The following CHST11 variants were observed in gnomAD, a reference collection of about 807,000 sequenced individuals.
The protein encoded by CHST11 is carbohydrate sulfotransferase 11.
Under a neutral mutation model 30.4 loss-of-function variants are expected in CHST11, and 9 were observed. The observed-to-expected ratio is 0.30, with a 90% CI of 0.18 to 0.52. CHST11 has a LOEUF of 0.52. Among genes scored for constraint, CHST11 ranks in the 20% least tolerant of loss-of-function variants. CHST11 has a pLI of 0.97. For missense variants in CHST11, 348 were observed against 460.6 expected (o/e 0.76, Z 2.24); for synonymous variants, 152 against 187.8 (o/e 0.81, Z 1.56).
At chr12:104,616,963 G>A (rs1459680842) in intron 2 of CHST11, among the ~76,000 whole-genome samples, 1 of 152,194 alleles carries the variant, frequency 6.6e-6, no homozygotes, top group Non-Finnish European at 1.5e-5. Flanking sequence ...GCATGCTTCT[G>A]CTTCCAGAAA....
At chr12:104,547,241 A>C (rs1470687010) in intron 1 of CHST11, among the ~76,000 whole-genome samples, 1 of 152,224 alleles carries the variant, frequency 6.6e-6, no homozygotes, top group Non-Finnish European at 1.5e-5. Flanking sequence ...GGAGGTGTGC[A>C]GTTGCAGGCA....
chr12:104,724,245 A>G (rs1034435788), intron 2 of CHST11, among the ~76,000 whole-genome samples: 10 of 152,192 alleles, frequency 6.6e-5, no homozygotes, highest in African/African-American at 2.4e-4. Flanking sequence ...TTTACCATGT[A>G]TCTGACGGCA....
At chr12:104,562,758 G>A (rs902293165) in intron 1 of CHST11, among the ~76,000 whole-genome samples, 2 of 152,188 alleles carry the variant, frequency 1.3e-5, no homozygotes, top group African/African-American at 4.8e-5. Context: ...TAGCTACGTT[G>A]AGTTAGGGCT....
Position 104,460,064 on chromosome 12 carries a change from A to G in CHST11, c.118+2535A>G, listed in dbSNP as rs576757147. Among the ~76,000 whole-genome samples the G allele has an allele frequency of 2.6e-5, 4 of 152,328 alleles. No individual in the cohort carries two copies. The East Asian group carries it at 7.7e-4, about 29-fold the overall frequency. The stretch of plus-strand genomic sequence containing the variant: ...ATTTTATTAAGCTACACTGTTAATG[A>G]CCACTGATGTGGAATCTCTTTCACT... On this transcript the variant is annotated intron_variant, in intron 1 of 2. Coordinates refer to ENST00000303694, the MANE Select transcript of CHST11 (RefSeq NM_018413.6).
intron 2 of CHST11, among the ~76,000 whole-genome samples, chr12:104,692,417 T>C (rs1292814764): frequency 6.6e-6 from 1 of 152,212 alleles, no homozygotes; most frequent in Non-Finnish European, 1.5e-5. Flanking sequence ...ATTTGCCGAG[T>C]GATGTTTTCA....
intron 2 of CHST11, among the ~76,000 whole-genome samples, chr12:104,645,843 A>C (rs551707437): frequency 1.3e-5 from 2 of 152,246 alleles, no homozygotes; most frequent in African/African-American, 2.4e-5. Context: ...AAGGGTATCC[A>C]TCTACCTACA....
At position 104,474,517 on chromosome 12, in the gene CHST11, G is replaced by A. The variant is rs144010750; in HGVS notation, c.118+16988G>A. Among the ~76,000 whole-genome samples, 893 of 152,276 alleles carry A rather than the reference G, an allele frequency of 5.9e-3. 6 individuals are homozygous for A. The highest frequency in any genetic ancestry group is 0.02 in the African/African-American group (821 of 41,546). ...GGCTTATGCTGACTTTGTTTCCTGT[G>A]CCTGTAAAAGCAAAATGAGATTTTT... On this transcript the variant is annotated intron_variant, in intron 1 of 2. Coordinates refer to ENST00000303694, the MANE Select transcript of CHST11 (RefSeq NM_018413.6).
At chr12:104,636,531 A>T (rs1033464743) in intron 2 of CHST11, among the ~76,000 whole-genome samples, 1 of 152,158 alleles carries the variant, frequency 6.6e-6, no homozygotes, top group African/African-American at 2.4e-5. Context: ...CCTTCAGGTA[A>T]AGAGCCAAGA....
At chr12:104,467,777 A>G (rs993439451) in intron 1 of CHST11, among the ~76,000 whole-genome samples, 1 of 152,172 alleles carries the variant, frequency 6.6e-6, no homozygotes, top group Non-Finnish European at 1.5e-5. Context: ...GAAGAGGGAA[A>G]CCACAGAGGC....
intron 1 of CHST11, chr12:104,589,060 C>T (rs2038832676): frequency 6.6e-6 from 1 of 151,934 alleles, no homozygotes; most frequent in Non-Finnish European, 1.5e-5. Context: ...AAGCCAGACA[C>T]AAAAGGACAG....
chr12:104,563,007 G>T (rs902978013), intron 1 of CHST11, among the ~76,000 whole-genome samples: 39 of 152,160 alleles, frequency 2.6e-4, no homozygotes, highest in African/African-American at 9.4e-4. Flanking sequence ...CTCATAGAGG[G>T]TTGTTGTGAA....
chr12:104,535,209 G>A (rs982420833), intron 1 of CHST11, among the ~76,000 whole-genome samples: 21 of 152,158 alleles, frequency 1.4e-4, no homozygotes, highest in African/African-American at 3.9e-4. Flanking sequence ...TAGGGACTCC[G>A]TCCTTGATAT....
chr12:104,531,313 A>T (rs530262521), intron 1 of CHST11, among the ~76,000 whole-genome samples: 1 of 152,014 alleles, frequency 6.6e-6, no homozygotes, highest in Non-Finnish European at 1.5e-5. Context: ...ACATAGTGGG[A>T]CCTTGCCTTT....
chr12:104,654,065 G>A (rs1592819173), intron 2 of CHST11, among the ~76,000 whole-genome samples: 1 of 152,208 alleles, frequency 6.6e-6, no homozygotes, highest in Admixed American at 6.5e-5. Flanking sequence ...TCAGGCTGAA[G>A]AGGGTCATCC....
At chr12:104,706,064 A>G (rs991575728) in intron 2 of CHST11, among the ~76,000 whole-genome samples, 9 of 142,962 alleles carry the variant, frequency 6.3e-5, no homozygotes, top group African/African-American at 2.4e-4. Flanking sequence ...CCAGCTGGGG[A>G]GACAGAATGA....
chr12:104,549,507 C>A (rs1157597270), intron 1 of CHST11, among the ~76,000 whole-genome samples: 1 of 152,108 alleles, frequency 6.6e-6, no homozygotes, highest in Non-Finnish European at 1.5e-5. Flanking sequence ...AAAAAACAAA[C>A]AAACAAAAGA....
intron 2 of CHST11, among the ~76,000 whole-genome samples, chr12:104,750,154 G>A (rs1431295681): frequency 1.3e-5 from 2 of 151,774 alleles, no homozygotes; most frequent in African/African-American, 2.4e-5. Flanking sequence ...TACATGATGA[G>A]CTTTTACCAA....
chr12:104,490,258 A>G (rs927076143), intron 1 of CHST11, among the ~76,000 whole-genome samples: 1 of 152,172 alleles, frequency 6.6e-6, no homozygotes, highest in East Asian at 1.9e-4. Flanking sequence ...CTCATTCGTT[A>G]TACTAACTTT....
intron 2 of CHST11, among the ~76,000 whole-genome samples, chr12:104,678,410 T>G (rs2039762928): frequency 1.3e-5 from 2 of 152,238 alleles, no homozygotes; most frequent in African/African-American, 4.8e-5. Context: ...GCCTAACAAA[T>G]GAAGGGCATT....
Sources: allele counts gnomAD v4.1 joint callset (sites outside exome capture counted in the v4.1 genomes callset), GRCh38; gene constraint gnomAD v4.1.1; transcripts MANE v1.5; gene names NCBI Gene and HGNC (gene_info 2026-07-23, HGNC 2026-07-21).